Variants in ANK1 observed in about 807,000 individuals in gnomAD.
ANK1 encodes the protein ankyrin 1.
Under a neutral mutation model 210.4 loss-of-function variants are expected in ANK1, and 51 were observed. The observed-to-expected ratio is 0.24, with a 90% confidence interval of 0.19 to 0.31. The LOEUF (loss-of-function observed/expected upper bound fraction) is 0.31, where lower values mean the gene tolerates loss of function less well. Among genes scored for constraint, ANK1 ranks in the 10% least tolerant of loss-of-function variants. The pLI, the probability that ANK1 is intolerant of heterozygous loss-of-function variation, is 1.00. For synonymous variants in ANK1, 967 were observed against 1,025.9 expected, an observed-to-expected ratio of 0.94 and a Z score of 1.10; for missense variants, 2,051 against 2,504.4, an observed-to-expected ratio of 0.82 and a Z score of 3.86.
intron 2 of ANK1, among the ~76,000 whole-genome samples, chr8:41,751,886 C>G (rs1837793707): frequency 6.6e-6 from 1 of 152,196 alleles, no homozygotes; most frequent in African/African-American, 2.4e-5. Context: ...TAAGCCCTCA[C>G]CAATGCAAGC....
chr8:41,845,846 C>A lies in ANK1; in HGVS notation c.126+50509G>T, dbSNP rs1050498431. ...CCAAAACCGTTTTCAGCTTCCCATGCGGAAAGTACATGCGGGTGCATGTTT... is the reference window on the plus strand; with the variant it reads ...CCAAAACCGTTTTCAGCTTCCCATGAGGAAAGTACATGCGGGTGCATGTTT... On this transcript the variant is annotated intron_variant, in intron 1 of 42. Coordinates refer to the ANK1 transcript ENST00000265709. 3.3e-5 allele frequency among the ~76,000 whole-genome samples: 5 copies of A among 152,248 alleles called. No individual in the cohort carries two copies. The South Asian group carries it at 6.2e-4, about 19-fold the overall frequency.
At chr8:41,656,635 T>C (rs1243349555) in intron 42 of ANK1, among the ~76,000 whole-genome samples, 1 of 152,252 alleles carries the variant, frequency 6.6e-6, no homozygotes, top group Non-Finnish European at 1.5e-5. Flanking sequence ...CTGGGACCAC[T>C]GGGGAAAGGA....
rs564692852 is a variant in ANK1 at position 41,765,043 on chromosome 8, G to A, written c.28-6906C>T. 1.3e-4 allele frequency among the ~76,000 whole-genome samples: 20 copies of A among 152,050 alleles called. No individual in the cohort carries two copies. The South Asian group carries it at 3.1e-3, about 24-fold the overall frequency. On this transcript the variant is annotated intron_variant, in intron 1 of 42. Transcript: ENST00000289734. Reference sequence around the variant, plus strand: ...TAACTATTGTGCTATACCGCTTCCTGGGTCAATCATTTCCCTTCCTTCCTT... The same window carrying A: ...TAACTATTGTGCTATACCGCTTCCTAGGTCAATCATTTCCCTTCCTTCCTT...
At chr8:41,790,144 C>CT (rs112954712) in intron 1 of ANK1, among the ~76,000 whole-genome samples, 658 of 136,940 alleles carry the variant, frequency 4.8e-3, no homozygotes, top group African/African-American at 8.2e-3. Flanking sequence ...GGAAAGGAAT[C>CT]TTTTTTTTTT....
In ANK1 at chr8:41,698,214, T is replaced by C; in HGVS notation, c.2559-93A>G. The C allele has an allele frequency of 2.2e-6, 3 of 1,348,414 alleles. 1 individual carries two copies. The allele number at this position is 1,348,414 out of a possible 1,614,324, so 83.5% of individuals were successfully genotyped here. On this transcript the variant is annotated intron_variant, in intron 23 of 42. Coordinates refer to ENST00000289734, the MANE Select transcript of ANK1 (RefSeq NM_000037.4). ...GCCTCCAAGCCTCTCCCTCCGGCTT[T>C]CCACTCCAGAGCCTGACTGCGCTTC...
chr8:41,845,821 C>T (rs1327283018), intron 1 of ANK1, among the ~76,000 whole-genome samples: 2 of 152,140 alleles, frequency 1.3e-5, no homozygotes, highest in Non-Finnish European at 2.9e-5. Flanking sequence ...CATAAACATA[C>T]CAAAACCGTT....
At position 41,781,772 on chromosome 8, in the gene ANK1, G is replaced by A. The variant is rs571902154; in HGVS notation, c.27+15740C>T. Among the ~76,000 whole-genome samples, 17 of 152,304 alleles carry A rather than the reference G, an allele frequency of 1.1e-4. 1 individual carries two copies. Among genetic ancestry groups the A allele is most frequent in the Admixed American group, 1.1e-3 (17 of 15,302 alleles). On this transcript the variant is annotated intron_variant, in intron 1 of 42. Transcript: ENST00000289734. ...ACCAACAGACCCCCGACTCAGGGCG[G>A]TGACCCAGGGCCAGGAGGGAGGCAG...
At chr8:41,881,785 C>G (rs1563958647) in intron 1 of ANK1, among the ~76,000 whole-genome samples, 2 of 152,190 alleles carry the variant, frequency 1.3e-5, no homozygotes, top group Non-Finnish European at 2.9e-5. Flanking sequence ...CCTTCCTGAG[C>G]CTCCCAAGGT....
At chr8:41,690,694 C>G in intron 31 of ANK1, 95 bp from the exon 32 acceptor site, 2 of 1,530,604 alleles carry the variant, frequency 1.3e-6, no homozygotes, top group Non-Finnish European at 1.8e-6. Context: ...CAAGACACAC[C>G]CTGCCTCAGC....
At chr8:41,868,399 G>A (rs988328189) in intron 1 of ANK1, among the ~76,000 whole-genome samples, 1 of 152,162 alleles carries the variant, frequency 6.6e-6, no homozygotes, top group Non-Finnish European at 1.5e-5. Context: ...CGGTGGGGAA[G>A]GGCAAAACCA....
At chr8:41,702,237 G>T in intron 20 of ANK1, 93 bp from the exon 21 acceptor site, 1 of 1,073,166 alleles carries the variant, frequency 9.3e-7, no homozygotes, top group Non-Finnish European at 1.4e-6. Context: ...TCACCTTCTA[G>T]TTGTTCAGGA....
At chr8:41,781,910 C>A (rs1845415673) in intron 1 of ANK1, among the ~76,000 whole-genome samples, 1 of 152,192 alleles carries the variant, frequency 6.6e-6, no homozygotes, top group African/African-American at 2.4e-5. Flanking sequence ...GGGGTCCCTG[C>A]TGCTGGCGGC....
chr8:41,669,976 C>T (rs1280237321), intron 38 of ANK1, among the ~76,000 whole-genome samples: 1 of 152,080 alleles, frequency 6.6e-6, no homozygotes, highest in African/African-American at 2.4e-5. Context: ...TCACCCTCAC[C>T]CTCAATTCCT....
chr8:41,874,461 G>A (rs1816177939), intron 1 of ANK1, among the ~76,000 whole-genome samples: 1 of 152,170 alleles, frequency 6.6e-6, no homozygotes, highest in Non-Finnish European at 1.5e-5. Context: ...GCACTTTCGG[G>A]TCGCCTGCCC....
chr8:41,822,071 AG>A (rs1429199031), intron 1 of ANK1, among the ~76,000 whole-genome samples: 1 of 11,724 alleles, frequency 8.5e-5, no homozygotes, highest in Non-Finnish European at 1.6e-4. Context: ...AGAAAGAGAG[AG>A]AGAGAGAGAG....
At chr8:41,874,148 C>G (rs983947750) in intron 1 of ANK1, among the ~76,000 whole-genome samples, 1 of 152,186 alleles carries the variant, frequency 6.6e-6, no homozygotes, top group Non-Finnish European at 1.5e-5. Context: ...TTGGATGTCC[C>G]GCAGGTAGGT....
At position 41,773,227 on chromosome 8, in the gene ANK1, G is replaced by A. The variant is rs1426131189; in HGVS notation, c.28-15090C>T. On this transcript the variant is annotated intron_variant, in intron 1 of 42. Coordinates refer to ENST00000289734, the MANE Select transcript of ANK1 (RefSeq NM_000037.4). Reference sequence around the variant, plus strand: ...GGCTGGAGTAAGGGATGGCAAGTGCGGGGGTCTATTTAGGGAGGTGATCAG... The same window carrying A: ...GGCTGGAGTAAGGGATGGCAAGTGCAGGGGTCTATTTAGGGAGGTGATCAG... 4.6e-5 allele frequency among the ~76,000 whole-genome samples: 7 copies of A among 152,158 alleles called. No homozygotes were observed. In the East Asian group the frequency reaches 9.6e-4, roughly 21 times the overall value.
intron 2 of ANK1, among the ~76,000 whole-genome samples, chr8:41,750,308 C>T (rs1019740226): frequency 1.3e-5 from 2 of 152,202 alleles, no homozygotes; most frequent in Non-Finnish European, 2.9e-5. Flanking sequence ...GCTGGGTTTT[C>T]GCACTGGAAA....
chr8:41,673,158 C>A (rs758621739), intron 37 of ANK1, among the ~76,000 whole-genome samples: 4 of 152,092 alleles, frequency 2.6e-5, no homozygotes, highest in Non-Finnish European at 5.9e-5. Flanking sequence ...GGGTGTGAGG[C>A]AGAGATGGGG....
Sources: gnomAD v4.1 joint callset for allele counts (sites outside exome capture counted in the v4.1 genomes callset) on GRCh38, gnomAD v4.1.1 for gene constraint, MANE v1.5 for transcripts, NCBI Gene and HGNC (gene_info 2026-07-23, HGNC 2026-07-21) for gene names.